Variants in ZNF248 observed in about 807,000 individuals in gnomAD.
The protein encoded by ZNF248 is zinc finger protein 248.
Under a neutral mutation model 44.3 loss-of-function variants are expected in ZNF248, and 20 were observed. The observed-to-expected ratio is 0.45, with a 90% CI of 0.32 to 0.66. The LOEUF is 0.66. ZNF248 is among the 30% of genes least tolerant of loss of function. ZNF248 has a pLI of 0.04. For missense variants in ZNF248, 654 were observed against 677.0 expected, an observed-to-expected ratio of 0.97 and a Z score of 0.38; for synonymous variants, 224 against 229.0, an observed-to-expected ratio of 0.98 and a Z score of 0.20.
Position 37,832,092 on chromosome 10 carries a change from T to C in ZNF248, c.1263A>G (p.Pro421=), listed in dbSNP as rs767090919. Residue 421 remains proline, a synonymous_variant, in exon 6 of 6, where the codon CCA becomes CCG. Transcript: ENST00000395867. The part of the protein sequence containing the change: ...TECGKAFCQK[P]HLTNHQRTHT... ...GTGTTCGCTGATGGTTGGTCAGGTG[T>C]GGTTTCTGGCAAAAGGCTTTCCCAC... 1 of 1,613,992 alleles carries C rather than the reference T, an allele frequency of 6.2e-7. No homozygotes were observed. Among genetic ancestry groups the C allele is most frequent in the South Asian group, 1.1e-5 (1 of 91,072 alleles).
At chr10:37,813,173 C>T (rs955496570) in intron 6 of ZNF248, among the ~76,000 whole-genome samples, 4 of 152,060 alleles carry the variant, frequency 2.6e-5, no homozygotes, top group African/African-American at 4.8e-5. Context: ...GACCATGAGG[C>T]GTAAGACGTA....
At chr10:37,855,009 A>G (rs2061024367) in intron 3 of ZNF248, among the ~76,000 whole-genome samples, 2 of 152,270 alleles carry the variant, frequency 1.3e-5, no homozygotes, top group African/African-American at 2.4e-5. Flanking sequence ...AAAAGATGCC[A>G]GGAATGCACA....
At chr10:37,768,364 C>T in the ZNF248 span, among the ~76,000 whole-genome samples, 7 of 152,068 alleles carry the variant, frequency 4.6e-5, no homozygotes, top group Non-Finnish European at 7.4e-5. Context: ...TGACCACATA[C>T]TTGGAAGTAA....
chr10:37,856,266 A>G (rs1380068112), intron 3 of ZNF248, 30 bp downstream of exon 3: 1 of 1,609,678 alleles, frequency 6.2e-7, no homozygotes, highest in Admixed American at 1.7e-5. Flanking sequence ...ATTTTTAAAC[A>G]AACTGGGAAT....
At chr10:37,818,107 G>A (rs1489777590) in intron 6 of ZNF248, among the ~76,000 whole-genome samples, 4 of 151,930 alleles carry the variant, frequency 2.6e-5, no homozygotes, top group Non-Finnish European at 2.9e-5. Flanking sequence ...TAGTAGAGAC[G>A]GGGTTTCACT....
At chr10:37,853,079 C>T (rs1424540119) in intron 3 of ZNF248, among the ~76,000 whole-genome samples, 3 of 152,020 alleles carry the variant, frequency 2.0e-5, no homozygotes, top group Non-Finnish European at 4.4e-5. Flanking sequence ...CTCTTGACCT[C>T]GTGATCTGCC....
chr10:37,787,829 T>C (rs2048063814), intron 6 of ZNF248, among the ~76,000 whole-genome samples: 1 of 152,012 alleles, frequency 6.6e-6, no homozygotes. Flanking sequence ...ACAATTCATA[T>C]AAAAAAAGTA....
At chr10:37,778,298 A>ATT (rs903334949) in intron 6 of ZNF248, among the ~76,000 whole-genome samples, 1 of 151,880 alleles carries the variant, frequency 6.6e-6, no homozygotes, top group African/African-American at 2.4e-5. Flanking sequence ...GATGATGAGC[A>ATT]TTTTTTCATG....
In ZNF248 at chr10:37,830,834, T is replaced by C. The variant is rs145336875; in HGVS notation, c.*781A>G. On this transcript the variant is annotated 3_prime_UTR_variant, in exon 6 of 6. Transcript: ENST00000395867. ...AAACAGCAAAGGTAATAGTGAAATG[T>C]AGCAAAATAATTAGGAAGTGATGAG... The C allele has an allele frequency of 2.3e-3, 443 of 190,348 alleles. 2 individuals carry two copies. The highest frequency in any genetic ancestry group is 9.9e-3 in the African/African-American group (417 of 42,198). 11.8% of individuals were successfully genotyped at this position (190,348 alleles called of 1,614,324 possible).
intron 6 of ZNF248, among the ~76,000 whole-genome samples, chr10:37,810,731 A>T (rs2133384734): frequency 6.6e-6 from 1 of 152,324 alleles, no homozygotes; most frequent in African/African-American, 2.4e-5. Flanking sequence ...ATAAAAAGCT[A>T]AAATTTATTA....
chr10:37,817,909 ATTAT>A (rs1282476753), intron 6 of ZNF248, among the ~76,000 whole-genome samples: 1 of 151,762 alleles, frequency 6.6e-6, no homozygotes, highest in African/African-American at 2.4e-5. Context: ...TTTTTTATTT[ATTAT>A]TTATTTATAT....
At chr10:37,854,840 A>G (rs1374766629) in intron 3 of ZNF248, among the ~76,000 whole-genome samples, 1 of 152,260 alleles carries the variant, frequency 6.6e-6, no homozygotes, top group African/African-American at 2.4e-5. Flanking sequence ...AATGCTATTC[A>G]TGTTCTGTCA....
chr10:37,771,612 C>T (rs540009876), downstream of ZNF248, among the ~76,000 whole-genome samples: 64 of 110,550 alleles, frequency 5.8e-4, 1 homozygote, highest in South Asian at 0.019. Flanking sequence ...CATCACACTC[C>T]GCGGACTGTT....
chr10:37,768,508 C>T, the ZNF248 span, among the ~76,000 whole-genome samples: 2 of 152,296 alleles, frequency 1.3e-5, no homozygotes, highest in South Asian at 4.1e-4. Flanking sequence ...GAACAACCTG[C>T]TCCTGAATGA....
chr10:37,767,280 A>G, the ZNF248 span, among the ~76,000 whole-genome samples: 16 of 152,260 alleles, frequency 1.1e-4, no homozygotes, highest in Admixed American at 3.9e-4. Flanking sequence ...AGAACGCCAC[A>G]AAGATACTCC....
the ZNF248 span, among the ~76,000 whole-genome samples, chr10:37,765,697 C>T: frequency 6.6e-6 from 1 of 152,134 alleles, no homozygotes; most frequent in Non-Finnish European, 1.5e-5. Context: ...CCAGCGTGAG[C>T]AATTTCTGCA....
At chr10:37,766,567 G>A in the ZNF248 span, among the ~76,000 whole-genome samples, 1 of 152,218 alleles carries the variant, frequency 6.6e-6, no homozygotes. Context: ...TAAGGGTCCT[G>A]TCTGTTAGAA....
the ZNF248 span, among the ~76,000 whole-genome samples, chr10:37,766,967 C>T: frequency 3.3e-5 from 5 of 151,846 alleles, no homozygotes; most frequent in Admixed American, 2.0e-4. Context: ...TCGAGAACTA[C>T]GTGAAGAATG....
chr10:37,830,717 T>C lies in ZNF248; in HGVS notation c.*898A>G, dbSNP rs2055391048. ...GTAAACACTCCCACTAAGTCCAAGC[T>C]ACCAAGACAGCACTGAATGTGGAGC... is the stretch of plus-strand genomic sequence containing the variant. On this transcript the variant is annotated 3_prime_UTR_variant, in exon 6 of 6. Coordinates refer to ENST00000395867, the MANE Select transcript of ZNF248 (RefSeq NM_021045.3). 1 of 519,650 alleles carries C rather than the reference T, an allele frequency of 1.9e-6. No homozygotes were observed. The allele number at this position is 519,650 out of a possible 1,614,324, so 32.2% of individuals were successfully genotyped here. A position where few individuals can be genotyped will look rare whatever the true frequency, so the allele number is the denominator to read the frequency against.
Sources: gnomAD v4.1 joint callset for allele counts (sites outside exome capture counted in the v4.1 genomes callset) on GRCh38, gnomAD v4.1.1 for gene constraint, MANE v1.5 for transcripts, NCBI Gene and HGNC (gene_info 2026-07-23, HGNC 2026-07-21) for gene names.